RIMS4: variants seen among roughly 807,000 people sequenced by gnomAD.
RIMS4 encodes the protein regulating synaptic membrane exocytosis protein 4.
RIMS4 carries 9 observed loss-of-function variants against 29.0 expected under a neutral mutation model. That is an observed-to-expected ratio of 0.31 (90% confidence interval 0.19 to 0.54). The LOEUF (loss-of-function observed/expected upper bound fraction) is 0.54, where lower values mean the gene tolerates loss of function less well. Ranked by LOEUF, RIMS4 falls within the 20% of genes least tolerant of loss-of-function variation. The pLI is 0.94. For synonymous variants in RIMS4, 130 were observed against 152.9 expected (o/e 0.85, Z 1.10); for missense variants, 193 against 365.7 (o/e 0.53, Z 3.85).
chr20:44,784,848 G>C (rs2066201017), intron 1 of RIMS4, among the ~76,000 whole-genome samples: 1 of 152,212 alleles, frequency 6.6e-6, no homozygotes. Flanking sequence ...GCACTCAGCA[G>C]GTCCTCCACA....
At chr20:44,804,690 T>C (rs1798833629) in intron 1 of RIMS4, among the ~76,000 whole-genome samples, 1 of 152,178 alleles carries the variant, frequency 6.6e-6, no homozygotes, top group Non-Finnish European at 1.5e-5. Flanking sequence ...TTGCTCTGCC[T>C]CTGGTTCTAG....
At chr20:44,766,481 A>G (rs1035096893) in intron 2 of RIMS4, among the ~76,000 whole-genome samples, 1 of 152,160 alleles carries the variant, frequency 6.6e-6, no homozygotes, top group African/African-American at 2.4e-5. Flanking sequence ...GAGGCTGGGA[A>G]AAGTCAGAAG....
At chr20:44,792,476 G>A (rs997029326) in intron 1 of RIMS4, among the ~76,000 whole-genome samples, 2 of 152,022 alleles carry the variant, frequency 1.3e-5, no homozygotes, top group Admixed American at 1.3e-4. Context: ...ATTTTTAGTA[G>A]AGACAGGGTT....
intron 1 of RIMS4, among the ~76,000 whole-genome samples, chr20:44,775,854 T>C (rs575950101): frequency 2.0e-5 from 3 of 152,330 alleles, no homozygotes; most frequent in South Asian, 2.1e-4. Context: ...AACCAGCACA[T>C]TGGGAAGGAA....
intron 3 of RIMS4, 84 bp from the exon 4 acceptor site, chr20:44,757,855 G>A: frequency 7.9e-7 from 1 of 1,260,980 alleles, no homozygotes; most frequent in Non-Finnish European, 1.2e-6. Context: ...ACTTAGGGCT[G>A]AAACCCCCTT....
chr20:44,764,614 G>C (rs1196860230), intron 2 of RIMS4, among the ~76,000 whole-genome samples: 1 of 152,210 alleles, frequency 6.6e-6, no homozygotes, highest in Non-Finnish European at 1.5e-5. Flanking sequence ...ACCACCAGGT[G>C]TGGACAGGTG....
intron 1 of RIMS4, among the ~76,000 whole-genome samples, chr20:44,776,771 G>C (rs1324380431): frequency 5.3e-5 from 8 of 152,154 alleles, no homozygotes; most frequent in Admixed American, 5.2e-4. Flanking sequence ...CATTGTGCTA[G>C]ATGCCATGCC....
intron 1 of RIMS4, among the ~76,000 whole-genome samples, chr20:44,780,755 CTGCTCTACACTGG>C (rs2066180561): frequency 6.6e-6 from 1 of 151,484 alleles, no homozygotes; most frequent in African/African-American, 2.4e-5. Context: ...GCCCTTTACG[CTGCTCTACACTGG>C]AGGGAGGGAT....
chr20:44,770,174 C>T (rs1164396760), intron 2 of RIMS4, among the ~76,000 whole-genome samples: 2 of 152,146 alleles, frequency 1.3e-5, no homozygotes, highest in African/African-American at 2.4e-5. Flanking sequence ...TGACTTTAGA[C>T]GATAGCTAGG....
intron 1 of RIMS4, among the ~76,000 whole-genome samples, chr20:44,785,888 G>A (rs1180976110): frequency 6.6e-6 from 1 of 152,014 alleles, no homozygotes; most frequent in Non-Finnish European, 1.5e-5. Context: ...CCCAGGAAAG[G>A]GGGCCTTGAT....
intron 1 of RIMS4, among the ~76,000 whole-genome samples, chr20:44,773,686 G>C (rs986509310): frequency 2.0e-5 from 3 of 152,128 alleles, no homozygotes; most frequent in Non-Finnish European, 4.4e-5. Context: ...AAACAACTCA[G>C]TCCCCCAGAG....
intron 2 of RIMS4, among the ~76,000 whole-genome samples, chr20:44,764,255 C>CATCCATCCATCCATCCATCTATCCATCCG (rs1325046131): frequency 6.9e-6 from 1 of 144,322 alleles, no homozygotes; most frequent in African/African-American, 2.6e-5. Flanking sequence ...TCCATCCATC[C>CATCCATCCATCCATCCATCTATCCATCCG]TCCCACAAAC....
intron 1 of RIMS4, among the ~76,000 whole-genome samples, chr20:44,790,778 C>T (rs993086655): frequency 3.3e-5 from 5 of 152,330 alleles, no homozygotes; most frequent in East Asian, 1.9e-4. Flanking sequence ...AAATTCTCCC[C>T]GCCACTGTTC....
intron 3 of RIMS4, 68 bp downstream of exon 3, chr20:44,758,004 A>G: frequency 1.7e-6 from 2 of 1,187,470 alleles, no homozygotes; most frequent in Non-Finnish European, 2.4e-6. Context: ...AAGGAGGGAG[A>G]GACGCTGAGC....
intron 1 of RIMS4, among the ~76,000 whole-genome samples, chr20:44,801,837 A>G (rs1168534976): frequency 1.3e-5 from 2 of 152,152 alleles, no homozygotes; most frequent in Non-Finnish European, 2.9e-5. Context: ...CCAGGACTGA[A>G]TTTGGTACCC....
At chr20:44,773,434 T>TAC (rs147204337) in intron 1 of RIMS4, among the ~76,000 whole-genome samples, 8 of 150,962 alleles carry the variant, frequency 5.3e-5, no homozygotes, top group African/African-American at 1.2e-4. Flanking sequence ...GATGTCCCTG[T>TAC]ACACACACAC....
chr20:44,770,472 T>C (rs2066132096), intron 2 of RIMS4, among the ~76,000 whole-genome samples: 2 of 152,102 alleles, frequency 1.3e-5, no homozygotes, highest in Admixed American at 1.3e-4. Flanking sequence ...CTGTGTGTAT[T>C]GGGGGAAACT....
intron 1 of RIMS4, among the ~76,000 whole-genome samples, chr20:44,808,543 A>T (rs1353784817): frequency 1.3e-5 from 2 of 152,198 alleles, no homozygotes; most frequent in Non-Finnish European, 2.9e-5. Flanking sequence ...GTCCAGAATA[A>T]TAATACAACC....
chr20:44,789,926 A>G (rs2066225696), intron 1 of RIMS4, among the ~76,000 whole-genome samples: 1 of 152,242 alleles, frequency 6.6e-6, no homozygotes, highest in African/African-American at 2.4e-5. Flanking sequence ...CTGCCTGTCA[A>G]CAGAATGGGG....
Sources: gnomAD v4.1 joint callset for allele counts (sites outside exome capture counted in the v4.1 genomes callset) on GRCh38, gnomAD v4.1.1 for gene constraint, MANE v1.5 for transcripts, NCBI Gene and HGNC (gene_info 2026-07-23, HGNC 2026-07-21) for gene names.